Variants in PTPRN2 observed in about 807,000 individuals in gnomAD.
PTPRN2 encodes the protein receptor-type tyrosine-protein phosphatase N2.
A neutral mutation model predicts 118.8 loss-of-function variants in PTPRN2; 74 were observed. The ratio of observed to expected loss-of-function variants is 0.62; its 90% CI spans 0.52 to 0.76. The LOEUF is 0.76. PTPRN2 is among the 30% of genes least tolerant of loss of function. The probability of loss-of-function intolerance (pLI) is 0.00; values close to 1 mark genes in which losing one functional copy is unlikely to be tolerated. For synonymous variants in PTPRN2, 641 were observed against 608.0 expected, an observed-to-expected ratio of 1.05 and a Z score of -0.80; for missense variants, 1,481 against 1,394.4, an observed-to-expected ratio of 1.06 and a Z score of -0.99.
intron 3 of PTPRN2, among the ~76,000 whole-genome samples, chr7:158,291,360 T>C (rs1490632157): frequency 1.3e-5 from 2 of 152,236 alleles, no homozygotes; most frequent in Non-Finnish European, 2.9e-5. Flanking sequence ...GAATCACACA[T>C]ATTTGTTGAT....
intron 11 of PTPRN2, among the ~76,000 whole-genome samples, chr7:158,071,547 CT>C (rs1811674743): frequency 1.1e-5 from 1 of 89,436 alleles, no homozygotes. Flanking sequence ...GATGGAGGTG[CT>C]CCTGGTGGTG....
intron 11 of PTPRN2, among the ~76,000 whole-genome samples, chr7:157,930,837 A>G (rs1178620827): frequency 6.6e-6 from 1 of 152,086 alleles, no homozygotes. Context: ...AAATGTTAAA[A>G]ATTATTTTTG....
intron 17 of PTPRN2, among the ~76,000 whole-genome samples, chr7:157,584,702 A>T (rs887634500): frequency 3.3e-5 from 5 of 152,264 alleles, no homozygotes; most frequent in African/African-American, 9.6e-5. Flanking sequence ...AGATGCAGCT[A>T]AATTTAAAAG....
intron 3 of PTPRN2, among the ~76,000 whole-genome samples, chr7:158,205,907 A>G (rs953911649): frequency 5.9e-5 from 9 of 152,108 alleles, no homozygotes; most frequent in Admixed American, 4.6e-4. Flanking sequence ...GAGCAGTACC[A>G]CCCATCCCAG....
intron 12 of PTPRN2, among the ~76,000 whole-genome samples, chr7:157,802,449 G>C (rs1433100487): frequency 3.3e-5 from 5 of 152,192 alleles, no homozygotes; most frequent in Non-Finnish European, 7.3e-5. Context: ...CACCCACTGG[G>C]TCTATGCACC....
chr7:158,405,800 A>T (rs1238066688), intron 2 of PTPRN2, among the ~76,000 whole-genome samples: 1 of 148,020 alleles, frequency 6.8e-6, no homozygotes, highest in African/African-American at 2.5e-5. Context: ...ATGTGGCCGC[A>T]CACTGAGATC....
intron 4 of PTPRN2, among the ~76,000 whole-genome samples, chr7:158,197,025 T>C (rs1585817834): frequency 6.6e-6 from 1 of 152,138 alleles, no homozygotes; most frequent in African/African-American, 2.4e-5. Flanking sequence ...TGTATATACA[T>C]GTATGTGTGT....
At chr7:158,249,176 C>T (rs966949943) in intron 3 of PTPRN2, among the ~76,000 whole-genome samples, 2 of 152,048 alleles carry the variant, frequency 1.3e-5, no homozygotes, top group African/African-American at 4.8e-5. Context: ...GTGCACACAG[C>T]ACACACACGA....
chr7:158,445,360 T>TC, intron 2 of PTPRN2, among the ~76,000 whole-genome samples: 1 of 151,696 alleles, frequency 6.6e-6, no homozygotes, highest in South Asian at 2.1e-4. Flanking sequence ...CCTAATTAAA[T>TC]CCCCCCGTCT....
intron 3 of PTPRN2, among the ~76,000 whole-genome samples, chr7:158,263,143 A>G (rs1797640527): frequency 7.1e-6 from 1 of 141,390 alleles, no homozygotes; most frequent in Non-Finnish European, 1.6e-5. Context: ...ACACACATTC[A>G]CACACTGCAC....
chr7:158,241,651 G>T (rs1350586201), intron 3 of PTPRN2, among the ~76,000 whole-genome samples: 1 of 152,088 alleles, frequency 6.6e-6, no homozygotes, highest in African/African-American at 2.4e-5. Flanking sequence ...AAGTGTTCAC[G>T]CCCTGTTTTG....
chr7:157,849,063 G>GC (rs1809084018), intron 12 of PTPRN2, among the ~76,000 whole-genome samples: 1 of 152,206 alleles, frequency 6.6e-6, no homozygotes, highest in Non-Finnish European at 1.5e-5. Context: ...CTCGGTCCCA[G>GC]CGTGGCTGGC....
At chr7:157,647,069 C>T (rs1260448975) in intron 14 of PTPRN2, among the ~76,000 whole-genome samples, 11 of 145,094 alleles carry the variant, frequency 7.6e-5, no homozygotes, top group African/African-American at 2.3e-4. Context: ...CTCGGTGGGT[C>T]GGACCCATTC....
intron 1 of PTPRN2, among the ~76,000 whole-genome samples, chr7:158,558,091 C>T (rs532615811): frequency 2.6e-3 from 393 of 152,220 alleles, no homozygotes; most frequent in African/African-American, 9.1e-3. Flanking sequence ...CTTGGGGGAT[C>T]CTCCTGCCTC....
chr7:158,122,022 G>A (rs929481511), intron 9 of PTPRN2, among the ~76,000 whole-genome samples: 6 of 152,186 alleles, frequency 3.9e-5, no homozygotes, highest in African/African-American at 1.4e-4. Flanking sequence ...GAAAGCAGTT[G>A]GACGTCATCC....
intron 3 of PTPRN2, among the ~76,000 whole-genome samples, chr7:158,226,560 G>T (rs117662445): frequency 6.6e-6 from 1 of 152,144 alleles, no homozygotes; most frequent in Non-Finnish European, 1.5e-5. Flanking sequence ...TGGTGGCAGC[G>T]TGCATGGTGG....
chr7:158,095,868 G>C (rs536229912), intron 10 of PTPRN2, among the ~76,000 whole-genome samples: 1 of 152,150 alleles, frequency 6.6e-6, no homozygotes, highest in Non-Finnish European at 1.5e-5. Context: ...GTGAGCCGCC[G>C]CACCAGGCCA....
chr7:158,142,560 G>T (rs1336546609), intron 6 of PTPRN2, among the ~76,000 whole-genome samples: 1 of 152,152 alleles, frequency 6.6e-6, no homozygotes, highest in African/African-American at 2.4e-5. Context: ...TGGAGGCCGC[G>T]TACTCTTCTG....
rs151186740 is a variant in PTPRN2 at position 158,205,195 on chromosome 7, C to G, written c.356G>C (p.Arg119Pro). 2 of 1,614,084 alleles carry G rather than the reference C, an allele frequency of 1.2e-6. No homozygotes were observed. Among genetic ancestry groups the G allele is most frequent in the Admixed American group, 3.3e-5 (2 of 60,020 alleles). ...LADLPKTYLR[R>P]PEASSPARPS... ...CCTGGCTGGGCTGGATGCTTCAGGA[C>G]GCCTCAGGTAGGTTTTCGGGAGGTC... Residue 119 changes from arginine (R) to proline (P), a missense_variant, in exon 4 of 23, where the codon CGT (arginine) becomes CCT (proline). Coordinates refer to ENST00000389418, the MANE Select transcript of PTPRN2 (RefSeq NM_002847.5).
Sources: gnomAD v4.1 joint callset for allele counts (sites outside exome capture counted in the v4.1 genomes callset) on GRCh38, gnomAD v4.1.1 for gene constraint, MANE v1.5 for transcripts, NCBI Gene and HGNC (gene_info 2026-07-23, HGNC 2026-07-21) for gene names.